The following NF1 variants were observed in gnomAD, a reference collection of about 807,000 sequenced individuals.
NF1 encodes neurofibromin.
NF1 carries 122 observed loss-of-function variants against 325.7 expected under a neutral mutation model. That is an observed-to-expected ratio of 0.37 (90% CI 0.32 to 0.44). The LOEUF (loss-of-function observed/expected upper bound fraction) is 0.44, where lower values mean the gene tolerates loss of function less well. Among genes scored for constraint, NF1 ranks in the 20% least tolerant of loss-of-function variants. The pLI, the probability that NF1 is intolerant of heterozygous loss-of-function variation, is 1.00. For missense variants in NF1, 2,140 were observed against 3,415.4 expected (o/e 0.63, Z 9.31); for synonymous variants, 1,091 against 1,186.0 (o/e 0.92, Z 1.65).
chr17:31,306,446 A>G (rs2068723543), intron 36 of NF1, among the ~76,000 whole-genome samples: 1 of 152,130 alleles, frequency 6.6e-6, no homozygotes, highest in African/African-American at 2.4e-5. Context: ...CACTATCAGC[A>G]AATTCAACAT....
At chr17:31,282,198 C>T (rs780730453) in intron 36 of NF1, among the ~76,000 whole-genome samples, 32 of 151,876 alleles carry the variant, frequency 2.1e-4, no homozygotes, top group Admixed American at 1.0e-3. Context: ...CTGGCTAACA[C>T]GGTGAAACCC....
chr17:31,248,220 C>CCAAA (rs2067432337), intron 29 of NF1, among the ~76,000 whole-genome samples: 11 of 126,194 alleles, frequency 8.7e-5, no homozygotes, highest in Non-Finnish European at 1.5e-4. Context: ...CACCCCCCAC[C>CCAAA]AAAAAAAAAA....
chr17:31,109,632 C>T (rs1913232046), intron 1 of NF1, among the ~76,000 whole-genome samples: 1 of 152,130 alleles, frequency 6.6e-6, no homozygotes, highest in South Asian at 2.1e-4. Flanking sequence ...GATCCTCTTG[C>T]CTCGGCCTCC....
At chr17:31,161,566 T>C (rs1465765728) in intron 3 of NF1, among the ~76,000 whole-genome samples, 4 of 152,226 alleles carry the variant, frequency 2.6e-5, no homozygotes, top group South Asian at 2.1e-4. Flanking sequence ...AATTGTAAAG[T>C]ATATATTTAC....
chr17:31,121,789 G>A (rs1914463993), intron 1 of NF1, among the ~76,000 whole-genome samples: 1 of 152,232 alleles, frequency 6.6e-6, no homozygotes, highest in South Asian at 2.1e-4. Context: ...TGATCATGGG[G>A]GATAAGCTTT....
chr17:31,332,183 C>T (rs1012434017), intron 39 of NF1, among the ~76,000 whole-genome samples: 4 of 151,338 alleles, frequency 2.6e-5, no homozygotes, highest in South Asian at 2.1e-4. Flanking sequence ...TATCCTTAAT[C>T]GGCCAGACGC....
intron 1 of NF1, among the ~76,000 whole-genome samples, chr17:31,130,974 G>A (rs1915334571): frequency 6.6e-6 from 1 of 152,158 alleles, no homozygotes; most frequent in Non-Finnish European, 1.5e-5. Flanking sequence ...GAGCTGGTAT[G>A]TGGCCCCCCC....
At position 31,336,915 on chromosome 17, in the gene NF1, G is replaced by T. The variant is rs2151555200; in HGVS notation, c.6427+1G>T. The T allele has an allele frequency of 1.2e-6, 2 of 1,608,236 alleles. No individual in the cohort carries two copies. Among genetic ancestry groups the T allele is most frequent in the Non-Finnish European group, 1.7e-6 (2 of 1,179,894 alleles). On this transcript the variant is annotated splice_donor_variant, in intron 42 of 57. Transcript: ENST00000358273. LOFTEE classifies it high-confidence loss of function. The surrounding 1 kb of genome is among the most constrained non-coding windows in gnomAD (Gnocchi z 5.5). ...ACTTGTTCACAGCTTCATTTTAGTG[G>T]TAAGTTCTAGGAAAGGAATTTGTGT...
In NF1 at chr17:31,252,984, AG is replaced by A. The variant is rs1427598198; in HGVS notation, c.4159del (p.Glu1387LysfsTer19). 1 of 1,613,324 alleles carries A rather than the reference AG, an allele frequency of 6.2e-7. No homozygotes were observed. On this transcript the variant is annotated frameshift_variant, in exon 31 of 58. Transcript: ENST00000358273. LOFTEE classifies it high-confidence loss of function. ...AATAAAGCTACAGTAAAAGAAAAAA[AG>A]GAAAACAAAAAATCAGTAAGTTTGG... Reference protein sequence around the residue: ...LLNKATVKEKKENKKSVVSQR... With the variant: ...LLNKATVKEKXENKKSVVSQR...
chr17:31,253,076 C>G (rs2151456543), intron 31 of NF1, 76 bp downstream of exon 31: 1 of 1,164,610 alleles, frequency 8.6e-7, no homozygotes, highest in Non-Finnish European at 1.3e-6. Flanking sequence ...TTAAGAATAT[C>G]TTCACTTCAG....
intron 34 of NF1, among the ~76,000 whole-genome samples, chr17:31,261,049 G>T (rs17886319): frequency 6.6e-6 from 1 of 151,924 alleles, no homozygotes; most frequent in Admixed American, 6.6e-5. Context: ...TCGAGATCAG[G>T]CTGGCCAACA....
intron 57 of NF1, among the ~76,000 whole-genome samples, chr17:31,368,946 G>T (rs1173184843): frequency 6.6e-6 from 1 of 152,210 alleles, no homozygotes; most frequent in Non-Finnish European, 1.5e-5. Flanking sequence ...ACTAAATGCA[G>T]AGTAAGGTAA....
At chr17:31,106,296 A>G (rs1355939549) in intron 1 of NF1, among the ~76,000 whole-genome samples, 1 of 152,212 alleles carries the variant, frequency 6.6e-6, no homozygotes, top group Admixed American at 6.5e-5. Context: ...TGACTTAGGT[A>G]TGAATCTTAT....
At chr17:31,125,318 GTATA>G (rs142101748) in intron 1 of NF1, among the ~76,000 whole-genome samples, 1 of 148,984 alleles carries the variant, frequency 6.7e-6, no homozygotes, top group African/African-American at 2.5e-5. Context: ...TGTATATATT[GTATA>G]TATATATATA....
At chr17:31,205,288 T>A (rs1274464693) in intron 11 of NF1, among the ~76,000 whole-genome samples, 1 of 152,122 alleles carries the variant, frequency 6.6e-6, no homozygotes, top group African/African-American at 2.4e-5. Flanking sequence ...GGCTATTCAA[T>A]CCCTCTTATC....
chr17:31,144,954 T>C (rs977933640), intron 1 of NF1, among the ~76,000 whole-genome samples: 1 of 152,208 alleles, frequency 6.6e-6, no homozygotes. Context: ...CGTGACATCG[T>C]CAAATTCAAA....
chr17:31,227,130 T>C, intron 18 of NF1, 88 bp from the exon 19 acceptor site: 1 of 1,342,654 alleles, frequency 7.4e-7, no homozygotes, highest in Non-Finnish European at 1.1e-6. Flanking sequence ...CTGCTCTTCC[T>C]ACTCCTTTTG....
chr17:31,238,732 TAAAA>T (rs796369919), intron 29 of NF1, among the ~76,000 whole-genome samples: 1 of 120,932 alleles, frequency 8.3e-6, no homozygotes, highest in African/African-American at 3.1e-5. Context: ...AGACTCTGTC[TAAAA>T]AAAAAAAAAA....
At position 31,169,949 on chromosome 17, in the gene NF1, T is replaced by A. The variant is rs2143707585; in HGVS notation, c.538T>A (p.Leu180Ile). Residue 180 changes from leucine to isoleucine, a missense_variant, in exon 5 of 58, where the codon TTA becomes ATA. Leu to Ile is a conservative substitution (Grantham distance 5, BLOSUM62 2). Transcript: ENST00000358273. Reference sequence around the variant, plus strand: ...TGTTGATGTTCATGATATAGAATTGTTACAGTATATCAATGTGGATTGTGC... The same window carrying A: ...TGTTGATGTTCATGATATAGAATTGATACAGTATATCAATGTGGATTGTGC... ...DNVDVHDIEL[L>I]QYINVDCAKL... The A allele has an allele frequency of 6.2e-7, 1 of 1,612,724 alleles. No individual in the cohort carries two copies. Among genetic ancestry groups the A allele is most frequent in the Non-Finnish European group, 8.5e-7 (1 of 1,179,018 alleles).
Sources: gnomAD v4.1 joint callset for allele counts (sites outside exome capture counted in the v4.1 genomes callset) on GRCh38, gnomAD v4.1.1 for gene constraint, Gnocchi (gnomAD v3.1) non-coding constraint, MANE v1.5 for transcripts, NCBI Gene and HGNC (gene_info 2026-07-23, HGNC 2026-07-21) for gene names.